Variants in NDUFAB1 observed in about 807,000 individuals in gnomAD.
NDUFAB1 encodes the protein NADH:ubiquinone oxidoreductase subunit AB1, also known as acyl carrier protein, mitochondrial.
In NDUFAB1, 5 loss-of-function variants were observed where a neutral mutation model predicts 16.1. The ratio of observed to expected loss-of-function variants is 0.31; its 90% CI spans 0.16 to 0.65. NDUFAB1 has a LOEUF of 0.65. Ranked by LOEUF, NDUFAB1 falls within the 30% of genes least tolerant of loss-of-function variation. The pLI is 0.77. For synonymous variants in NDUFAB1, 85 were observed against 78.4 expected (o/e 1.08, Z -0.44); for missense variants, 187 against 205.3 (o/e 0.91, Z 0.54).
chr16:23,582,639 A>G (rs1966190268), intron 3 of NDUFAB1, among the ~76,000 whole-genome samples: 1 of 148,006 alleles, frequency 6.8e-6, no homozygotes, highest in Admixed American at 6.7e-5. Flanking sequence ...TATATACCAT[A>G]TAATTTGGTA....
chr16:23,587,306 ACT>A lies in NDUFAB1; in HGVS notation c.180_181del (p.Arg60SerfsTer9), dbSNP rs1405646698. On this transcript the variant is annotated frameshift_variant, in exon 2 of 5. Transcript: ENST00000007516. LOFTEE classifies it high-confidence loss of function. ...GCTATACTGGCGGCACAACTGTGTA[ACT>A]CTACCAGGAACCTAGAGCGACGGCA... The A allele has an allele frequency of 6.2e-7, 1 of 1,613,806 alleles. No individual in the cohort carries two copies. Among genetic ancestry groups the A allele is most frequent in the Non-Finnish European group, 8.5e-7 (1 of 1,179,924 alleles).
At chr16:23,584,223 C>T (rs943672831) in intron 3 of NDUFAB1, among the ~76,000 whole-genome samples, 1 of 81,036 alleles carries the variant, frequency 1.2e-5, no homozygotes, top group Admixed American at 1.4e-4. Context: ...TGCCAAATCC[C>T]CCTCTGCGAG....
intron 1 of NDUFAB1, chr16:23,595,730 C>CA: frequency 4.3e-6 from 2 of 462,940 alleles, no homozygotes; most frequent in South Asian, 3.2e-5. Flanking sequence ...ATGCTGCTTT[C>CA]ACTACAATAC....
intron 4 of NDUFAB1, among the ~76,000 whole-genome samples, chr16:23,581,540 C>T (rs549689017): frequency 2.1e-5 from 3 of 144,264 alleles, no homozygotes; most frequent in African/African-American, 7.7e-5. Flanking sequence ...AGCAAGGTTC[C>T]ATCTTTAAAA....
intron 1 of NDUFAB1, among the ~76,000 whole-genome samples, chr16:23,587,988 G>A (rs189004538): frequency 3.3e-5 from 5 of 152,370 alleles, no homozygotes; most frequent in Admixed American, 6.5e-5. Context: ...AATACCTCAC[G>A]TATCTCTGGT....
At chr16:23,590,566 T>C (rs1031883632) in intron 1 of NDUFAB1, among the ~76,000 whole-genome samples, 2 of 152,140 alleles carry the variant, frequency 1.3e-5, no homozygotes, top group African/African-American at 2.4e-5. Flanking sequence ...AGCAGCTAGT[T>C]TGATACCTTG....
Position 23,595,023 on chromosome 16 carries a change from C to T in NDUFAB1, c.168+1100G>A, listed in dbSNP as rs1335226491. On this transcript the variant is annotated intron_variant, in intron 1 of 4. Coordinates refer to ENST00000007516, the MANE Select transcript of NDUFAB1 (RefSeq NM_005003.3). ...ATCCCAGCACTTTGGGAGGCCGAGG[C>T]GGGTGGATTGCGAGGTCGGGAGTTC... Among the ~76,000 whole-genome samples the T allele has an allele frequency of 2.0e-5, 3 of 151,808 alleles. No homozygotes were observed. The East Asian group carries it at 5.9e-4, about 30-fold the overall frequency.
In NDUFAB1 at chr16:23,596,271, G is replaced by A. The variant is rs775198913; in HGVS notation, c.20C>T (p.Ser7Leu). Residue 7 changes from serine (S) to leucine (L), a missense_variant, in exon 1 of 5, where the codon TCA (serine) becomes TTA (leucine). Transcript: ENST00000007516. ...CGCGGGCAGGCGGCTGACATAGGCT[G>A]AAAGGACACGAGACGCCATGGCTAC... MASRVL[S>L]AYVSRLPAAF... 6.3e-6 allele frequency: 10 copies of A among 1,577,120 alleles called. No individual in the cohort carries two copies. Among genetic ancestry groups the A allele is most frequent in the Non-Finnish European group, 7.7e-6 (9 of 1,163,630 alleles).
chr16:23,594,757 G>A lies in NDUFAB1; in HGVS notation c.168+1366C>T, dbSNP rs553674207. ...CCCGCCTCGGCCTCCCAAAGTGCTGGGATTACAGGCGTGAGCCACCACGCC... is the reference window on the plus strand; with the variant it reads ...CCCGCCTCGGCCTCCCAAAGTGCTGAGATTACAGGCGTGAGCCACCACGCC... On this transcript the variant is annotated intron_variant, in intron 1 of 4. Coordinates refer to ENST00000007516, the MANE Select transcript of NDUFAB1 (RefSeq NM_005003.3). Among the ~76,000 whole-genome samples, 254 of 151,972 alleles carry A rather than the reference G, an allele frequency of 1.7e-3. 1 individual carries two copies. The Middle Eastern group carries it at 0.021, about 12-fold the overall frequency.
At chr16:23,596,048 G>A (rs1966322805) in intron 1 of NDUFAB1, 75 bp downstream of exon 1, 5 of 1,511,714 alleles carry the variant, frequency 3.3e-6, no homozygotes, top group Non-Finnish European at 4.4e-6. Flanking sequence ...GGCGCGCCCC[G>A]GATGCCCGGC....
chr16:23,581,602 A>G (rs1966180318), intron 4 of NDUFAB1, among the ~76,000 whole-genome samples: 3 of 152,128 alleles, frequency 2.0e-5, no homozygotes, highest in Admixed American at 2.0e-4. Context: ...AAAAACACTA[A>G]TACAATGTTT....
rs1035177609 is a variant in NDUFAB1 at position 23,596,246 on chromosome 16, C to A, written c.45G>T (p.Ala15=). 2 of 1,600,138 alleles carry A rather than the reference C, an allele frequency of 1.2e-6. No individual in the cohort carries two copies. The highest frequency in any genetic ancestry group is 8.5e-7 in the Non-Finnish European group (1 of 1,174,712). ...GGACCCGGGGCAGCGGCGCAAAGGC[C>A]GCGGGCAGGCGGCTGACATAGGCTG... is the stretch of plus-strand genomic sequence containing the variant. ...VLSAYVSRLP[A]AFAPLPRVRM... The change falls in exon 1 of 5, where the codon GCG becomes GCT. Residue 15 remains alanine, a synonymous_variant. Coordinates refer to ENST00000007516, the MANE Select transcript of NDUFAB1 (RefSeq NM_005003.3).
intron 3 of NDUFAB1, among the ~76,000 whole-genome samples, chr16:23,583,688 TCTGCCCG>T (rs1347601759): frequency 0.025 from 3,347 of 132,012 alleles, 501 homozygotes; most frequent in African/African-American, 0.057. Context: ...GAGGAGCCCC[TCTGCCCG>T]GCAGCCGCCC....
chr16:23,583,444 T>C (rs1008039149), intron 3 of NDUFAB1, among the ~76,000 whole-genome samples: 3 of 149,380 alleles, frequency 2.0e-5, no homozygotes, highest in Admixed American at 6.6e-5. Flanking sequence ...GTCTAGGAAG[T>C]GAGGAGCGTC....
intron 1 of NDUFAB1, among the ~76,000 whole-genome samples, chr16:23,592,359 A>G (rs1010298109): frequency 6.9e-6 from 1 of 144,322 alleles, no homozygotes; most frequent in African/African-American, 2.6e-5. Context: ...AAAAAAAAAA[A>G]GTCATGAAAG....
chr16:23,587,370 A>G (rs1966242998), intron 1 of NDUFAB1, 51 bp from the exon 2 acceptor site: 2 of 1,603,044 alleles, frequency 1.2e-6, no homozygotes, highest in Non-Finnish European at 1.7e-6. Context: ...AAATACCTCT[A>G]AATCAATGCA....
chr16:23,589,373 G>A lies in NDUFAB1; in HGVS notation c.169-2054C>T, dbSNP rs565114066. Among the ~76,000 whole-genome samples, 7 of 151,846 alleles carry A rather than the reference G, an allele frequency of 4.6e-5. No individual in the cohort carries two copies. The South Asian group carries it at 6.2e-4, about 14-fold the overall frequency. On this transcript the variant is annotated intron_variant, in intron 1 of 4. Transcript: ENST00000007516. Reference sequence around the variant, plus strand: ...TGGAGAGTATGATAGATATTCTAACGAGCCTTTCTGAGTACTTTCAAGAGT... The same window carrying A: ...TGGAGAGTATGATAGATATTCTAACAAGCCTTTCTGAGTACTTTCAAGAGT...
chr16:23,592,547 A>T (rs1057363493), intron 1 of NDUFAB1, among the ~76,000 whole-genome samples: 1 of 151,896 alleles, frequency 6.6e-6, no homozygotes, highest in Non-Finnish European at 1.5e-5. Context: ...TTTTTTTTGT[A>T]CAAGTGCTGT....
intron 1 of NDUFAB1, among the ~76,000 whole-genome samples, chr16:23,593,446 G>C (rs551286441): frequency 5.9e-5 from 9 of 152,228 alleles, no homozygotes; most frequent in Non-Finnish European, 1.0e-4. Context: ...ATCCATCTCT[G>C]TATCTCTCAA....
Sources: allele counts gnomAD v4.1 joint callset (sites outside exome capture counted in the v4.1 genomes callset), GRCh38; gene constraint gnomAD v4.1.1; transcripts MANE v1.5; gene names NCBI Gene and HGNC (gene_info 2026-07-23, HGNC 2026-07-21).